GSDME: variants seen among roughly 807,000 people sequenced by gnomAD.
GSDME encodes gasdermin-E.
Under a neutral mutation model 47.5 loss-of-function variants are expected in GSDME, and 44 were observed. The ratio of observed to expected loss-of-function variants is 0.93; its 90% CI spans 0.73 to 1.19. GSDME has a LOEUF of 1.19. Ranked by LOEUF, GSDME falls within the 50% of genes most tolerant of loss-of-function variation. GSDME has a pLI of 0.00. For synonymous variants in GSDME, 258 were observed against 252.8 expected, an observed-to-expected ratio of 1.02 and a Z score of -0.20; for missense variants, 663 against 604.2, an observed-to-expected ratio of 1.10 and a Z score of -1.02.
the GSDME span, among the ~76,000 whole-genome samples, chr7:24,794,266 C>T: frequency 6.9e-6 from 1 of 144,690 alleles, no homozygotes; most frequent in African/African-American, 2.5e-5. Context: ...CTCTTTTCTT[C>T]TCTCTCTCTC....
intron 1 of GSDME, among the ~76,000 whole-genome samples, chr7:24,755,049 G>A (rs983064295): frequency 6.6e-6 from 1 of 152,214 alleles, no homozygotes; most frequent in Non-Finnish European, 1.5e-5. Flanking sequence ...TAGGCAGTGT[G>A]AGGAAGCTGA....
At chr7:24,781,516 G>GGACT in the GSDME span, among the ~76,000 whole-genome samples, 77 of 152,174 alleles carry the variant, frequency 5.1e-4, no homozygotes, top group African/African-American at 1.8e-3. Context: ...GTACAGCTGA[G>GGACT]GACTATACAG....
the GSDME span, among the ~76,000 whole-genome samples, chr7:24,768,702 G>C: frequency 6.6e-6 from 1 of 152,202 alleles, no homozygotes; most frequent in Non-Finnish European, 1.5e-5. This position sits in a 1 kb window ranked among gnomAD's most constrained non-coding sequence, Gnocchi z 5.6. Flanking sequence ...TTTTCTATGT[G>C]TGCCATGCTA....
intron 3 of GSDME, among the ~76,000 whole-genome samples, chr7:24,731,034 T>A (rs2521763): frequency 0.45 from 68,042 of 151,930 alleles, 16,703 homozygotes; most frequent in East Asian, 0.83. Context: ...TAGAAAAAAA[T>A]TAATAAATTG....
chr7:24,753,026 A>T (rs2128067334), intron 1 of GSDME, among the ~76,000 whole-genome samples: 1 of 152,244 alleles, frequency 6.6e-6, no homozygotes. Flanking sequence ...CAAACAGCTA[A>T]TTTGCCTTCT....
At chr7:24,700,082 C>T (rs766370268) in intron 9 of GSDME, among the ~76,000 whole-genome samples, 1 of 152,076 alleles carries the variant, frequency 6.6e-6, no homozygotes, top group Non-Finnish European at 1.5e-5. Flanking sequence ...TCTAGCTACC[C>T]CCAGCCCCAG....
At chr7:24,718,496 A>C (rs1789652653) in intron 4 of GSDME, among the ~76,000 whole-genome samples, 1 of 152,242 alleles carries the variant, frequency 6.6e-6, no homozygotes, top group African/African-American at 2.4e-5. Context: ...GCTAATTCCA[A>C]GTAATCACTG....
chr7:24,769,523 C>T, the GSDME span, among the ~76,000 whole-genome samples: 1 of 152,188 alleles, frequency 6.6e-6, no homozygotes, highest in South Asian at 2.1e-4. Flanking sequence ...AACTCAACTC[C>T]AGTCCCCTCT....
intron 3 of GSDME, among the ~76,000 whole-genome samples, chr7:24,729,363 TA>T (rs1790068625): frequency 6.6e-6 from 1 of 152,236 alleles, no homozygotes; most frequent in Admixed American, 6.5e-5. Context: ...AGAATAAAGA[TA>T]AACCAATTAT....
chr7:24,709,380 C>T (rs970213820), intron 6 of GSDME, among the ~76,000 whole-genome samples: 29 of 152,098 alleles, frequency 1.9e-4, no homozygotes, highest in Non-Finnish European at 3.7e-4. Flanking sequence ...ATTGCACCCA[C>T]TTATCCATCT....
In GSDME at chr7:24,736,190, G is replaced by A. The variant is rs1406286991; in HGVS notation, c.404+8372C>T. On this transcript the variant is annotated intron_variant, in intron 3 of 9. Coordinates refer to ENST00000645220, the MANE Select transcript of GSDME (RefSeq NM_001127453.2). This position sits in a 1 kb window ranked among gnomAD's most constrained non-coding sequence, Gnocchi z 4.6. ...CCTTACTTATCAATAATAATTGAAT[G>A]TAACTAAACTCTCCAATTAAAAGAC... Among the ~76,000 whole-genome samples, 2 of 152,136 alleles carry A rather than the reference G, an allele frequency of 1.3e-5. No individual in the cohort carries two copies. The highest frequency in any genetic ancestry group is 1.5e-5 in the Non-Finnish European group (1 of 68,028).
intron 2 of GSDME, among the ~76,000 whole-genome samples, chr7:24,746,546 G>A (rs1250724779): frequency 6.6e-6 from 1 of 152,150 alleles, no homozygotes. Flanking sequence ...TAATAAACAG[G>A]ACAGTCCTAG....
At position 24,699,195 on chromosome 7, in the gene GSDME, T is replaced by C; in HGVS notation, c.1322A>G (p.Asp441Gly). 1 of 1,614,208 alleles carries C rather than the reference T, an allele frequency of 6.2e-7. No homozygotes were observed. The highest frequency in any genetic ancestry group is 8.5e-7 in the Non-Finnish European group (1 of 1,180,034). ...LEDPTLTPLK[D>G]TERFGIVQRL... Reference sequence around the variant, plus strand: ...CTGCACAATCCCAAACCTTTCTGTATCTTTCAGGGGAGTCAAGGTTGGGTC... The same window carrying C: ...CTGCACAATCCCAAACCTTTCTGTACCTTTCAGGGGAGTCAAGGTTGGGTC... Residue 441 changes from aspartate (D) to glycine (G), a missense_variant, in exon 10 of 10, where the codon GAT (aspartate) becomes GGT (glycine). Physicochemically the swap from Asp to Gly is moderately conservative, Grantham distance 94. Transcript: ENST00000645220.
chr7:24,793,024 T>C, the GSDME span, among the ~76,000 whole-genome samples: 1 of 152,192 alleles, frequency 6.6e-6, no homozygotes, highest in Non-Finnish European at 1.5e-5. Flanking sequence ...CTGAGAAATT[T>C]CCTTTTGCAC....
Position 24,726,077 on chromosome 7 carries a change from G to C in GSDME, c.405-6859C>G, listed in dbSNP as rs576547197. ...AGGGAAGCGTGGCTCAGAGCCCAGC[G>C]TGGTTGCTGGGGACCAGAGCAGCCC... is the stretch of plus-strand genomic sequence containing the variant. On this transcript the variant is annotated intron_variant, in intron 3 of 9. Transcript: ENST00000645220. This position sits in a 1 kb window ranked among gnomAD's most constrained non-coding sequence, Gnocchi z 5.6. 2.0e-5 allele frequency among the ~76,000 whole-genome samples: 3 copies of C among 152,168 alleles called. No individual in the cohort carries two copies. Among genetic ancestry groups the C allele is most frequent in the Middle Eastern group, 3.2e-3 (1 of 316 alleles).
At chr7:24,708,352 CT>C in intron 6 of GSDME, 98 bp from the exon 7 acceptor site, 1 of 1,412,842 alleles carries the variant, frequency 7.1e-7, no homozygotes, top group Non-Finnish European at 9.8e-7. Context: ...GTCATCAGTT[CT>C]TTCATGGATA....
chr7:24,707,818 C>G, intron 7 of GSDME: 2 of 538,524 alleles, frequency 3.7e-6, no homozygotes, highest in Admixed American at 6.6e-5. Flanking sequence ...CTCCTAGATC[C>G]TCTGGGGGAA....
chr7:24,718,929 T>C, intron 4 of GSDME, 118 bp downstream of exon 4: 1 of 1,174,846 alleles, frequency 8.5e-7, no homozygotes. Flanking sequence ...TGAGTTGGGT[T>C]TCTGTTAACT....
In GSDME at chr7:24,744,457, T is replaced by C; in HGVS notation, c.404+105A>G. The C allele has an allele frequency of 3.3e-6, 4 of 1,229,812 alleles. No individual in the cohort carries two copies. The highest frequency in any genetic ancestry group is 3.4e-5 in the Admixed American group (2 of 59,452). The allele number at this position is 1,229,812 out of a possible 1,614,324, so 76.2% of individuals were successfully genotyped here. A position where few individuals can be genotyped will look rare whatever the true frequency, so the allele number is the denominator to read the frequency against. On this transcript the variant is annotated intron_variant, in intron 3 of 9. Coordinates refer to ENST00000645220, the MANE Select transcript of GSDME (RefSeq NM_001127453.2). The surrounding 1 kb of genome is among the most constrained non-coding windows in gnomAD (Gnocchi z 4.5). ...ACAAGCGCATTCAATACATGTTTAT[T>C]GATCGGCAGAGATCAAATCTGTCGC...
Sources: gnomAD v4.1 joint callset for allele counts (sites outside exome capture counted in the v4.1 genomes callset) on GRCh38, gnomAD v4.1.1 for gene constraint, Gnocchi (gnomAD v3.1) non-coding constraint, MANE v1.5 for transcripts, NCBI Gene and HGNC (gene_info 2026-07-23, HGNC 2026-07-21) for gene names.